Variants in SLC25A28 observed in about 807,000 individuals in gnomAD.
SLC25A28 encodes the protein solute carrier family 25 member 28.
In SLC25A28, 10 loss-of-function variants were observed where a neutral mutation model predicts 31.9. That is an observed-to-expected ratio of 0.31 (90% confidence interval 0.19 to 0.53). The LOEUF is 0.53. Among genes scored for constraint, SLC25A28 ranks in the 20% least tolerant of loss-of-function variants. SLC25A28 has a pLI of 0.95. For synonymous variants in SLC25A28, 208 were observed against 203.6 expected (o/e 1.02, Z -0.19); for missense variants, 256 against 490.3 (o/e 0.52, Z 4.51).
At chr10:99,617,882 T>C (rs1406770158) in intron 1 of SLC25A28, 2 of 671,536 alleles carry the variant, frequency 3.0e-6, no homozygotes, top group Non-Finnish European at 3.7e-6. Flanking sequence ...TTCTTCAAAA[T>C]AGTTACCTTG....
the SLC25A28 span, among the ~76,000 whole-genome samples, chr10:99,630,969 A>G: frequency 6.6e-6 from 1 of 152,168 alleles, no homozygotes; most frequent in Non-Finnish European, 1.5e-5. Context: ...CATCAGATGG[A>G]GGGATAGTGG....
At chr10:99,620,654 A>G (rs2034770675), upstream of SLC25A28, 7 of 988,748 alleles carry the variant, frequency 7.1e-6, no homozygotes, top group Middle Eastern at 5.1e-4. Flanking sequence ...TTGGTCACTG[A>G]TTGGCCGACA....
rs902460443 is a variant in SLC25A28, at chr10:99,619,911, G to C, written c.291+134C>G. ...CCTTGCTTGAATGGAGTGTCGGTTC[G>C]AATCATGTGGTAGTGGCAGGAGCCA... On this transcript the variant is annotated intron_variant, in intron 1 of 3. Coordinates refer to ENST00000370495, the MANE Select transcript of SLC25A28 (RefSeq NM_031212.4). The C allele has an allele frequency of 1.3e-5, 12 of 895,586 alleles. No homozygotes were observed. In the African/African-American group the frequency reaches 2.1e-4, roughly 16 times the overall value. The allele number at this position is 895,586 out of a possible 1,614,324, so 55.5% of individuals were successfully genotyped here.
the SLC25A28 span, among the ~76,000 whole-genome samples, chr10:99,646,083 C>T: frequency 6.6e-6 from 1 of 152,204 alleles, no homozygotes; most frequent in Non-Finnish European, 1.5e-5. Flanking sequence ...CTACTCTCTT[C>T]AAATCTGTCA....
chr10:99,657,943 T>TAA, the SLC25A28 span, among the ~76,000 whole-genome samples: 1 of 152,014 alleles, frequency 6.6e-6, no homozygotes, highest in African/African-American at 2.4e-5. Context: ...CCCAGCACTT[T>TAA]GGGAGGCTGA....
At chr10:99,624,892 A>G (rs1423959104), upstream of SLC25A28, among the ~76,000 whole-genome samples, 1 of 152,148 alleles carries the variant, frequency 6.6e-6, no homozygotes, top group Non-Finnish European at 1.5e-5. Flanking sequence ...AACCCTCAGC[A>G]GTTTCCTGCA....
intron 1 of SLC25A28, chr10:99,619,145 C>A (rs1320071152): frequency 1.0e-6 from 1 of 985,310 alleles, no homozygotes; most frequent in Non-Finnish European, 1.2e-6. Flanking sequence ...GACTTCAGTA[C>A]ACATAAATCA....
At chr10:99,612,985 A>C (rs1272063643) in intron 2 of SLC25A28, among the ~76,000 whole-genome samples, 1 of 152,026 alleles carries the variant, frequency 6.6e-6, no homozygotes, top group Admixed American at 6.6e-5. Flanking sequence ...ATCTCACAGA[A>C]CCTCACCACA....
the SLC25A28 span, among the ~76,000 whole-genome samples, chr10:99,634,741 CT>C: frequency 6.6e-6 from 1 of 152,178 alleles, no homozygotes; most frequent in Non-Finnish European, 1.5e-5. Flanking sequence ...TTGATGAAAA[CT>C]TTCCTGGCTT....
chr10:99,632,051 C>T, the SLC25A28 span, among the ~76,000 whole-genome samples: 2 of 150,296 alleles, frequency 1.3e-5, no homozygotes, highest in Admixed American at 6.6e-5. Context: ...CGCCCGCCAC[C>T]GCGCCCGGCT....
chr10:99,620,578 G>A, upstream of SLC25A28: 1 of 1,013,432 alleles, frequency 9.9e-7, no homozygotes, highest in African/African-American at 1.7e-5. Context: ...TCATTCCTCC[G>A]CCCTGAGGCG....
chr10:99,645,033 T>C, the SLC25A28 span, among the ~76,000 whole-genome samples: 1 of 152,208 alleles, frequency 6.6e-6, no homozygotes, highest in African/African-American at 2.4e-5. Flanking sequence ...TTATGTGTCT[T>C]GGAGTTGCTC....
intron 1 of SLC25A28, chr10:99,618,723 T>G (rs2034714331): frequency 3.0e-6 from 3 of 985,294 alleles, no homozygotes; most frequent in South Asian, 4.7e-5. Flanking sequence ...TTACCTTGTG[T>G]TAAAATACTC....
chr10:99,619,065 G>A (rs2034724823), intron 1 of SLC25A28: 1 of 985,348 alleles, frequency 1.0e-6, no homozygotes, highest in Non-Finnish European at 1.2e-6. Context: ...CTTTACTAAT[G>A]TACAAGAATA....
the SLC25A28 span, among the ~76,000 whole-genome samples, chr10:99,642,406 C>T: frequency 2.9e-4 from 44 of 152,214 alleles, no homozygotes; most frequent in East Asian, 7.0e-3. Flanking sequence ...GTGATTTTTG[C>T]ACATTGATTT....
chr10:99,643,727 A>G, the SLC25A28 span, among the ~76,000 whole-genome samples: 3 of 152,116 alleles, frequency 2.0e-5, no homozygotes, highest in Admixed American at 2.0e-4. Context: ...CCCTCTACAC[A>G]CTGCTTTAAA....
rs201392610 is a variant in SLC25A28 at position 99,613,781 on chromosome 10, G to A, written c.435C>T (p.His145=). The A allele has an allele frequency of 9.9e-6, 16 of 1,614,242 alleles. No homozygotes were observed. Among genetic ancestry groups the A allele is most frequent in the Middle Eastern group, 1.6e-4 (1 of 6,062 alleles). The stretch of plus-strand genomic sequence containing the variant: ...TTTCGTAGCAGGCAAAATAAAGGGC[G>A]TGGGCAGGCCCTGCGCCTGTTGCTG... ...NVTATGAGPA[H]ALYFACYEKL... is the part of the protein sequence containing the mutation. The change falls in exon 2 of 4, where the codon CAC becomes CAT. Residue 145 remains histidine, a synonymous_variant. Coordinates refer to ENST00000370495, the MANE Select transcript of SLC25A28 (RefSeq NM_031212.4). This position sits in a 1 kb window ranked among gnomAD's most constrained non-coding sequence, Gnocchi z 4.9.
chr10:99,639,563 C>T, the SLC25A28 span, among the ~76,000 whole-genome samples: 1 of 151,870 alleles, frequency 6.6e-6, no homozygotes, highest in Non-Finnish European at 1.5e-5. Context: ...AAAAAAATTC[C>T]CTGGAGAGGA....
At chr10:99,612,162 A>G (rs1467975213) in intron 3 of SLC25A28, among the ~76,000 whole-genome samples, 1 of 152,224 alleles carries the variant, frequency 6.6e-6, no homozygotes, top group Non-Finnish European at 1.5e-5. Context: ...GAAAGGCAAT[A>G]TATTTAAGTG....
Sources: allele counts gnomAD v4.1 joint callset (sites outside exome capture counted in the v4.1 genomes callset), GRCh38; gene constraint gnomAD v4.1.1; non-coding constraint Gnocchi (gnomAD v3.1); transcripts MANE v1.5; gene names NCBI Gene and HGNC (gene_info 2026-07-23, HGNC 2026-07-21).